The following FBXL7 variants were observed in gnomAD, a reference collection of about 807,000 sequenced individuals.
FBXL7 encodes the protein F-box/LRR-repeat protein 7.
Under a neutral mutation model 38.3 loss-of-function variants are expected in FBXL7, and 12 were observed. That is an observed-to-expected ratio of 0.31 (90% CI 0.20 to 0.51). FBXL7 has a LOEUF of 0.51. Among genes scored for constraint, FBXL7 ranks in the 20% least tolerant of loss-of-function variants. FBXL7 has a pLI of 0.98. For missense variants in FBXL7, 567 were observed against 676.4 expected, an observed-to-expected ratio of 0.84 and a Z score of 1.79; for synonymous variants, 297 against 300.9, an observed-to-expected ratio of 0.99 and a Z score of 0.13.
intron 1 of FBXL7, among the ~76,000 whole-genome samples, chr5:15,548,427 CTT>C (rs1302501298): frequency 2.0e-5 from 3 of 152,208 alleles, no homozygotes; most frequent in Non-Finnish European, 4.4e-5. Flanking sequence ...TCATCAAACA[CTT>C]CATACAGGTC....
intron 2 of FBXL7, among the ~76,000 whole-genome samples, chr5:15,726,401 C>A (rs1744354296): frequency 6.6e-6 from 1 of 152,002 alleles, no homozygotes; most frequent in Admixed American, 6.6e-5. Flanking sequence ...TACACCTCAT[C>A]CTGGGCAACA....
At chr5:15,638,993 C>T (rs942197615) in intron 2 of FBXL7, among the ~76,000 whole-genome samples, 5 of 152,122 alleles carry the variant, frequency 3.3e-5, no homozygotes, top group Non-Finnish European at 7.3e-5. Flanking sequence ...CTGGTTTTTC[C>T]TGGTCGAATT....
intron 2 of FBXL7, among the ~76,000 whole-genome samples, chr5:15,676,968 G>A (rs1742676001): frequency 6.6e-6 from 1 of 152,156 alleles, no homozygotes; most frequent in African/African-American, 2.4e-5. Context: ...CATTAAATAT[G>A]GTTCTCAACT....
intron 2 of FBXL7, among the ~76,000 whole-genome samples, chr5:15,903,420 G>T (rs1741279676): frequency 6.6e-6 from 1 of 152,120 alleles, no homozygotes; most frequent in African/African-American, 2.4e-5. Context: ...CTGACCTCTG[G>T]CCTATGTATA....
At chr5:15,518,401 G>C (rs1322052070) in intron 1 of FBXL7, among the ~76,000 whole-genome samples, 1 of 152,200 alleles carries the variant, frequency 6.6e-6, no homozygotes, top group African/African-American at 2.4e-5. Context: ...TTTTGGACCT[G>C]GCAGGGGAAG....
chr5:15,652,032 T>C (rs2126571383), intron 2 of FBXL7, among the ~76,000 whole-genome samples: 1 of 152,326 alleles, frequency 6.6e-6, no homozygotes, highest in East Asian at 1.9e-4. Flanking sequence ...AACTTTATGA[T>C]CCAACCTCCC....
At chr5:15,569,848 C>G (rs1441660203) in intron 1 of FBXL7, among the ~76,000 whole-genome samples, 1 of 152,140 alleles carries the variant, frequency 6.6e-6, no homozygotes, top group Non-Finnish European at 1.5e-5. Flanking sequence ...TTGAGATAAT[C>G]GTATGGTTTT....
chr5:15,614,116 T>C (rs1274142741), intron 1 of FBXL7, among the ~76,000 whole-genome samples: 1 of 152,160 alleles, frequency 6.6e-6, no homozygotes, highest in Non-Finnish European at 1.5e-5. Flanking sequence ...ATTCAGTTCA[T>C]TGCATTTACC....
intron 2 of FBXL7, among the ~76,000 whole-genome samples, chr5:15,728,950 C>T (rs1049440383): frequency 7.2e-5 from 11 of 152,212 alleles, no homozygotes; most frequent in East Asian, 5.8e-4. Flanking sequence ...TTCACCCTTA[C>T]GTAATCTGAT....
chr5:15,939,125 C>G lies in FBXL7; in HGVS notation c.*1939C>G, dbSNP rs1416255814. The G allele has an allele frequency of 2.5e-6, 1 of 398,870 alleles. No individual in the cohort carries two copies. Among genetic ancestry groups the G allele is most frequent in the African/African-American group, 2.1e-5 (1 of 48,730 alleles). 24.7% of individuals were successfully genotyped at this position (398,870 alleles called of 1,614,324 possible). A position where few individuals can be genotyped will look rare whatever the true frequency, so the allele number is the denominator to read the frequency against. ...TGGTGTCTGCCCAGGAGGTTTCTTT[C>G]AAACATCATGGCCTCCCATCCAATC... is the stretch of plus-strand genomic sequence containing the variant. On this transcript the variant is annotated 3_prime_UTR_variant, in exon 4 of 4. Coordinates refer to ENST00000504595, the MANE Select transcript of FBXL7 (RefSeq NM_012304.5).
At chr5:15,775,993 C>G (rs746019886) in intron 2 of FBXL7, among the ~76,000 whole-genome samples, 15 of 151,948 alleles carry the variant, frequency 9.9e-5, no homozygotes, top group Non-Finnish European at 1.8e-4. Flanking sequence ...TTTATTAATT[C>G]TCAAGATTAA....
chr5:15,703,042 G>A lies in FBXL7; in HGVS notation c.127+86970G>A, dbSNP rs574515188. On this transcript the variant is annotated intron_variant, in intron 2 of 3. Transcript: ENST00000504595. The stretch of plus-strand genomic sequence containing the variant: ...GTTAAGGCAGTAACAGGCCATTTTC[G>A]TTTCTTTTGTGGTGGAATGTCATCA... Among the ~76,000 whole-genome samples the A allele has an allele frequency of 2.6e-3, 392 of 152,220 alleles. 4 individuals are homozygous for A. The highest frequency in any genetic ancestry group is 9.0e-3 in the African/African-American group (372 of 41,524).
chr5:15,578,191 T>C (rs887154259), intron 1 of FBXL7, among the ~76,000 whole-genome samples: 3 of 152,128 alleles, frequency 2.0e-5, no homozygotes, highest in African/African-American at 2.4e-5. Flanking sequence ...CTTGGGAGAA[T>C]AGAGAAATTT....
chr5:15,710,310 C>T (rs1743821972), intron 2 of FBXL7, among the ~76,000 whole-genome samples: 1 of 152,190 alleles, frequency 6.6e-6, no homozygotes, highest in African/African-American at 2.4e-5. Context: ...GCTCCTTCCA[C>T]TGTCCTCTCC....
intron 2 of FBXL7, among the ~76,000 whole-genome samples, chr5:15,878,594 C>T (rs1740312057): frequency 2.6e-5 from 4 of 152,162 alleles, no homozygotes; most frequent in African/African-American, 7.2e-5. Flanking sequence ...AATGTTTGGA[C>T]ACATGTATTT....
At chr5:15,542,948 A>G (rs1014618398) in intron 1 of FBXL7, among the ~76,000 whole-genome samples, 35 of 152,102 alleles carry the variant, frequency 2.3e-4, no homozygotes, top group African/African-American at 8.2e-4. Context: ...CAGGCAGGGA[A>G]TGGGGTGATC....
At chr5:15,833,593 C>T (rs1373371641) in intron 2 of FBXL7, among the ~76,000 whole-genome samples, 3 of 152,214 alleles carry the variant, frequency 2.0e-5, no homozygotes, top group Non-Finnish European at 4.4e-5. Flanking sequence ...ACTCTCCTCT[C>T]TAAAGCAATA....
In FBXL7 at chr5:15,935,140, G is replaced by C. The variant is rs189010209; in HGVS notation, c.740-1310G>C. Reference sequence around the variant, plus strand: ...GGGAAATGACAAGCAGGCCAGTGGCGTTGGAGGAATGAGGTAAAAGATGCC... The same window carrying C: ...GGGAAATGACAAGCAGGCCAGTGGCCTTGGAGGAATGAGGTAAAAGATGCC... On this transcript the variant is annotated intron_variant, in intron 3 of 3. Transcript: ENST00000504595. 33 of 534,498 alleles carry C rather than the reference G, an allele frequency of 6.2e-5. 1 individual carries two copies. The East Asian group carries it at 9.8e-4, about 16-fold the overall frequency. The allele number at this position is 534,498 out of a possible 1,614,324, so 33.1% of individuals were successfully genotyped here. A position where few individuals can be genotyped will look rare whatever the true frequency, so the allele number is the denominator to read the frequency against.
chr5:15,549,943 T>C (rs1738016373), intron 1 of FBXL7, among the ~76,000 whole-genome samples: 1 of 152,196 alleles, frequency 6.6e-6, no homozygotes, highest in Non-Finnish European at 1.5e-5. Context: ...CTTAGAAACG[T>C]AGGCCTGCAG....
Sources: allele counts gnomAD v4.1 joint callset (sites outside exome capture counted in the v4.1 genomes callset), GRCh38; gene constraint gnomAD v4.1.1; transcripts MANE v1.5; gene names NCBI Gene and HGNC (gene_info 2026-07-23, HGNC 2026-07-21).